The following DLGAP2 variants were observed in gnomAD, a reference collection of about 807,000 sequenced individuals.
DLGAP2 encodes the protein DLG associated protein 2, also known as disks large-associated protein 2.
In DLGAP2, 26 loss-of-function variants were observed where a neutral mutation model predicts 100.3. The observed-to-expected ratio is 0.26, with a 90% CI of 0.19 to 0.36. DLGAP2 has a LOEUF of 0.36. Among genes scored for constraint, DLGAP2 ranks in the 10% least tolerant of loss-of-function variants. The pLI is 1.00. For missense variants in DLGAP2, 1,858 were observed against 1,453.2 expected (o/e 1.28, Z -4.53); for synonymous variants, 886 against 630.1 (o/e 1.41, Z -6.08).
intron 2 of DLGAP2, among the ~76,000 whole-genome samples, chr8:1,193,714 C>G (rs1486579627): frequency 6.6e-6 from 1 of 152,136 alleles, no homozygotes; most frequent in Non-Finnish European, 1.5e-5. Context: ...CTCTCTGCAC[C>G]TGAGACTCCC....
chr8:1,460,052 G>A (rs1238630339), intron 3 of DLGAP2, among the ~76,000 whole-genome samples: 2 of 152,214 alleles, frequency 1.3e-5, no homozygotes, highest in South Asian at 4.1e-4. Flanking sequence ...GGGACCATGA[G>A]AACACCCATC....
At chr8:1,325,197 G>A (rs1030505323) in intron 3 of DLGAP2, among the ~76,000 whole-genome samples, 15 of 152,132 alleles carry the variant, frequency 9.9e-5, no homozygotes, top group Non-Finnish European at 1.3e-4. Flanking sequence ...TCTTCTCAGC[G>A]AGGCTGTCCT....
intron 2 of DLGAP2, among the ~76,000 whole-genome samples, chr8:1,040,177 GGTTTCCATGGTCAGCTCA>G (rs1802289293): frequency 7.3e-6 from 1 of 137,234 alleles, no homozygotes; most frequent in Admixed American, 7.3e-5. Context: ...TTGTCAGCTC[GGTTTCCATGGTCAGCTCA>G]GTGTGCGTGG....
intron 2 of DLGAP2, among the ~76,000 whole-genome samples, chr8:1,021,400 C>T (rs1221363065): frequency 1.3e-5 from 2 of 152,082 alleles, no homozygotes; most frequent in East Asian, 1.9e-4. Context: ...ATGAGGGTGG[C>T]GTGTGGCATT....
chr8:1,665,712 G>A (rs1035408494), intron 8 of DLGAP2, among the ~76,000 whole-genome samples: 2 of 152,244 alleles, frequency 1.3e-5, no homozygotes, highest in Admixed American at 6.5e-5. Flanking sequence ...GCCCCCGTCC[G>A]CAGTCTCGCT....
chr8:898,598 C>T (rs889723226), intron 1 of DLGAP2, among the ~76,000 whole-genome samples: 10 of 152,154 alleles, frequency 6.6e-5, no homozygotes, highest in African/African-American at 1.4e-4. Context: ...GATTTTGAGG[C>T]GCCTGCCTTT....
chr8:797,845 G>C (rs753040316), intron 1 of DLGAP2, among the ~76,000 whole-genome samples: 2 of 152,180 alleles, frequency 1.3e-5, no homozygotes, highest in Non-Finnish European at 2.9e-5. Flanking sequence ...CCGCCTCCCA[G>C]GTTCAAGCAA....
At chr8:1,236,946 C>T (rs1235857780) in intron 2 of DLGAP2, among the ~76,000 whole-genome samples, 15 of 140,318 alleles carry the variant, frequency 1.1e-4, no homozygotes, top group Non-Finnish European at 1.6e-4. Flanking sequence ...TCTCACATGG[C>T]GCCGTGTCTA....
chr8:815,557 T>G (rs1328613336), intron 1 of DLGAP2, among the ~76,000 whole-genome samples: 1 of 152,226 alleles, frequency 6.6e-6, no homozygotes, highest in Non-Finnish European at 1.5e-5. Flanking sequence ...TTCTGATGTA[T>G]CTCTGTAAAA....
intron 3 of DLGAP2, among the ~76,000 whole-genome samples, chr8:1,274,156 A>T (rs1334172093): frequency 6.6e-6 from 1 of 151,862 alleles, no homozygotes; most frequent in East Asian, 1.9e-4. Context: ...TTAAATTTTT[A>T]ACTTAATATT....
intron 2 of DLGAP2, among the ~76,000 whole-genome samples, chr8:1,065,846 A>T (rs751598030): frequency 1.3e-5 from 2 of 152,160 alleles, no homozygotes; most frequent in African/African-American, 4.8e-5. Context: ...GGTCCCAGGA[A>T]TTCCGGGAAA....
At chr8:828,324 C>A (rs1014215831) in intron 1 of DLGAP2, among the ~76,000 whole-genome samples, 2 of 152,042 alleles carry the variant, frequency 1.3e-5, no homozygotes, top group African/African-American at 4.8e-5. Context: ...AGGTACGCCC[C>A]GGGGGGGCCA....
intron 1 of DLGAP2, among the ~76,000 whole-genome samples, chr8:839,697 G>A (rs879658191): frequency 6.6e-6 from 1 of 152,260 alleles, no homozygotes; most frequent in East Asian, 1.9e-4. Flanking sequence ...CAGCACCCTT[G>A]CTCCCACCCT....
intron 3 of DLGAP2, among the ~76,000 whole-genome samples, chr8:1,299,702 T>C (rs1800284310): frequency 1.3e-5 from 2 of 152,238 alleles, no homozygotes; most frequent in South Asian, 4.1e-4. Flanking sequence ...TTTAAAGTAC[T>C]GTGAGCTCCT....
intron 5 of DLGAP2, among the ~76,000 whole-genome samples, chr8:1,554,598 C>T (rs1801893048): frequency 6.6e-6 from 1 of 152,172 alleles, no homozygotes; most frequent in Admixed American, 6.5e-5. Flanking sequence ...CTGTCTTTGT[C>T]CCGCTTTGCC....
At chr8:1,681,327 C>CT (rs956359088) in intron 12 of DLGAP2, among the ~76,000 whole-genome samples, 13 of 146,464 alleles carry the variant, frequency 8.9e-5, no homozygotes, top group African/African-American at 3.4e-4. Context: ...GAAAAGATAT[C>CT]TTTTAAAAAA....
chr8:1,497,687 G>C (rs1421525249), intron 3 of DLGAP2, among the ~76,000 whole-genome samples: 1 of 152,216 alleles, frequency 6.6e-6, no homozygotes, highest in Non-Finnish European at 1.5e-5. Flanking sequence ...GGCCTGTCCA[G>C]GCGAACAGGG....
intron 2 of DLGAP2, among the ~76,000 whole-genome samples, chr8:937,653 GC>G: frequency 6.6e-6 from 1 of 152,288 alleles, no homozygotes; most frequent in East Asian, 1.9e-4. Flanking sequence ...GAAGGCAGGG[GC>G]CTTATCTTGC....
At chr8:1,591,770 G>A (rs535138885) in intron 6 of DLGAP2, among the ~76,000 whole-genome samples, 3 of 152,264 alleles carry the variant, frequency 2.0e-5, no homozygotes, top group South Asian at 2.1e-4. Flanking sequence ...GATCTCCAGC[G>A]GGAGGCCCTC....
Sources: allele counts gnomAD v4.1 joint callset (sites outside exome capture counted in the v4.1 genomes callset), GRCh38; gene constraint gnomAD v4.1.1; transcripts MANE v1.5; gene names NCBI Gene and HGNC (gene_info 2026-07-23, HGNC 2026-07-21).